Variants in ARVCF observed in about 807,000 individuals in gnomAD.
The protein encoded by ARVCF is ARVCF delta catenin family member.
Under a neutral mutation model 90.9 loss-of-function variants are expected in ARVCF, and 66 were observed. The observed-to-expected ratio is 0.73, with a 90% confidence interval of 0.60 to 0.89. The LOEUF is 0.89. Among genes scored for constraint, ARVCF ranks in the 40% least tolerant of loss-of-function variants. The pLI, the probability that ARVCF is intolerant of heterozygous loss-of-function variation, is 0.00. For missense variants in ARVCF, 1,469 were observed against 1,382.3 expected, an observed-to-expected ratio of 1.06 and a Z score of -1.00; for synonymous variants, 653 against 603.4, an observed-to-expected ratio of 1.08 and a Z score of -1.21.
intron 1 of ARVCF, among the ~76,000 whole-genome samples, chr22:20,013,134 G>C (rs1287338472): frequency 1.3e-5 from 2 of 152,274 alleles, no homozygotes; most frequent in African/African-American, 2.4e-5. Context: ...CCAGTGGACA[G>C]GGAAGGTCCA....
At chr22:19,986,105 A>G (rs933467440) in intron 3 of ARVCF, among the ~76,000 whole-genome samples, 7 of 152,216 alleles carry the variant, frequency 4.6e-5, no homozygotes, top group African/African-American at 1.4e-4. Context: ...CAAAAAGCCA[A>G]GCTGGGGGAG....
chr22:19,981,585 T>C lies in ARVCF; in HGVS notation c.522A>G (p.Pro174=). The change falls in exon 5 of 20, where the codon CCA becomes CCG. Residue 174 remains proline (P), a synonymous_variant. Transcript: ENST00000263207. ...DRHFLLRGGG[P]VATLSRAYLS... is the part of the protein sequence containing the mutation. ...GGTAGGCTCGAGAGAGTGTGGCCAC[T>C]GGGCCACCACCACGCAGCAGGAAAT... 1 of 1,606,364 alleles carries C rather than the reference T, an allele frequency of 6.2e-7. No homozygotes were observed.
In ARVCF at chr22:19,981,568, C is replaced by G; in HGVS notation, c.539G>C (p.Arg180Pro). ...RGGGPVATLS[R>P]AYLSSGGGFP... is the part of the protein sequence containing the mutation. ...GCCACCCCCACTGCTGAGGTAGGCT[C>G]GAGAGAGTGTGGCCACTGGGCCACC... The change falls in exon 5 of 20, where the codon CGA becomes CCA. Residue 180 changes from arginine (R) to proline (P), a missense_variant. Arg to Pro is a moderately radical substitution (Grantham distance 103). Transcript: ENST00000263207. The G allele has an allele frequency of 1.2e-6, 2 of 1,603,758 alleles. No individual in the cohort carries two copies. Among genetic ancestry groups the G allele is most frequent in the Middle Eastern group, 1.7e-4 (1 of 6,040 alleles).
chr22:20,015,279 G>C (rs957331266), intron 1 of ARVCF, among the ~76,000 whole-genome samples: 4 of 152,196 alleles, frequency 2.6e-5, no homozygotes, highest in African/African-American at 9.6e-5. Context: ...AATGGGGGTA[G>C]GGTGGGGACA....
intron 1 of ARVCF, among the ~76,000 whole-genome samples, chr22:20,010,920 C>T (rs1054216765): frequency 1.3e-4 from 20 of 152,230 alleles, no homozygotes; most frequent in African/African-American, 3.6e-4. Context: ...CCCTAGAGTC[C>T]GCTCCCGCCT....
Position 20,002,619 on chromosome 22 carries a change from G to A in ARVCF, c.-19+7836C>T, listed in dbSNP as rs559830386. 7.2e-5 allele frequency among the ~76,000 whole-genome samples: 11 copies of A among 152,294 alleles called. No individual in the cohort carries two copies. The East Asian group carries it at 1.9e-3, about 27-fold the overall frequency. On this transcript the variant is annotated intron_variant, in intron 2 of 19. Transcript: ENST00000263207. ...CTAGAGCCCTGGACTACCCAGAGAA[G>A]TAGTTTTAAGAACCAAAAGAAGAGA... is the stretch of plus-strand genomic sequence containing the variant.
chr22:19,980,499 A>C, intron 5 of ARVCF: 2 of 441,450 alleles, frequency 4.5e-6, no homozygotes, highest in Non-Finnish European at 7.7e-6. Context: ...CAGCAAACTC[A>C]CTCACTGCTG....
intron 5 of ARVCF, chr22:19,980,768 G>A: frequency 5.2e-6 from 1 of 190,524 alleles, no homozygotes; most frequent in Non-Finnish European, 1.1e-5. Flanking sequence ...CCTGTGGGTT[G>A]CTGTCATCAA....
Position 19,971,309 on chromosome 22 carries a change from G to A in ARVCF, c.2808C>T (p.Pro936=). Residue 936 remains proline (P), a synonymous_variant, in exon 19 of 20, where the codon CCC becomes CCT. Transcript: ENST00000263207. ...LKLDPSRKAP[P]PGPSRPAVRL... is the part of the protein sequence containing the mutation. ...TGACCGCGGGCCTGCTGGGCCCGGGGGGAGGGGCCTTCCTGCTGGGGTCGA... is the reference window on the plus strand; with the variant it reads ...TGACCGCGGGCCTGCTGGGCCCGGGAGGAGGGGCCTTCCTGCTGGGGTCGA... 1 of 1,555,790 alleles carries A rather than the reference G, an allele frequency of 6.4e-7. No homozygotes were observed. Among genetic ancestry groups the A allele is most frequent in the South Asian group, 1.2e-5 (1 of 84,528 alleles).
chr22:19,967,486 A>C (rs534487632), downstream of ARVCF: 9 of 435,622 alleles, frequency 2.1e-5, no homozygotes, highest in African/African-American at 1.9e-4. Context: ...GACCTCACTG[A>C]CCTTGCAGCC....
downstream of ARVCF, chr22:19,968,624 G>A (rs1243347237): frequency 1.2e-6 from 2 of 1,614,080 alleles, no homozygotes; most frequent in Non-Finnish European, 8.5e-7. Flanking sequence ...CACGTGCGCG[G>A]GAGCAGCTGC....
chr22:19,979,826 G>A lies in ARVCF; in HGVS notation c.1313C>T (p.Ala438Val). Residue 438 changes from alanine (A) to valine (V), a missense_variant, in exon 6 of 20, where the codon GCC (alanine) becomes GTC (valine). Ala to Val is a moderately conservative substitution (Grantham distance 64). Transcript: ENST00000263207. ...AGGCACACCACCGCAGTCCCGGATGGCGGCCTTGTTGTCAGTGTCGCGGCC... is the reference window on the plus strand; with the variant it reads ...AGGCACACCACCGCAGTCCCGGATGACGGCCTTGTTGTCAGTGTCGCGGCC... ...SYGRDTDNKA[A>V]IRDCGGVPAL... is the part of the protein sequence containing the mutation. 1 of 1,609,770 alleles carries A rather than the reference G, an allele frequency of 6.2e-7. No individual in the cohort carries two copies. The highest frequency in any genetic ancestry group is 8.5e-7 in the Non-Finnish European group (1 of 1,178,934).
At chr22:19,974,681 G>A (rs1306952755) in intron 11 of ARVCF, among the ~76,000 whole-genome samples, 1 of 152,010 alleles carries the variant, frequency 6.6e-6, no homozygotes, top group African/African-American at 2.4e-5. Context: ...AAGAGGACCT[G>A]CTTTCACCAG....
chr22:20,000,703 T>C (rs144439497), intron 2 of ARVCF, among the ~76,000 whole-genome samples: 44 of 152,330 alleles, frequency 2.9e-4, no homozygotes, highest in African/African-American at 9.6e-4. Context: ...TGTGACAGTA[T>C]TAAGAGGTAG....
chr22:19,967,334 A>G (rs779620718), downstream of ARVCF: 9 of 648,158 alleles, frequency 1.4e-5, no homozygotes, highest in East Asian at 6.0e-4. Flanking sequence ...GGCCTAGGCC[A>G]TTGTCCTCCT....
Position 19,978,945 on chromosome 22 carries a change from C to T in ARVCF, c.1532G>A (p.Arg511Gln), listed in dbSNP as rs777302602. Residue 511 changes from arginine (R) to glutamine (Q), a missense_variant, in exon 7 of 20, where the codon CGG becomes CAG. Physicochemically the swap from Arg to Gln is conservative, Grantham distance 43. Coordinates refer to ENST00000263207, the MANE Select transcript of ARVCF (RefSeq NM_001670.3). ...GAAGACAGTTGTCCACTCGGCGTCCCGTGGCTTGGAGTCCTCGTTGGGCTC... is the reference window on the plus strand; with the variant it reads ...GAAGACAGTTGTCCACTCGGCGTCCTGTGGCTTGGAGTCCTCGTTGGGCTC... ...EREPNEDSKPRDAEWTTVFKN... is the reference protein window; with the variant it reads ...EREPNEDSKPQDAEWTTVFKN... The T allele has an allele frequency of 5.6e-6, 9 of 1,613,102 alleles. No homozygotes were observed. Among genetic ancestry groups the T allele is most frequent in the African/African-American group, 2.7e-5 (2 of 74,924 alleles).
chr22:19,972,590 G>T, intron 16 of ARVCF, 147 bp downstream of exon 16: 2 of 1,141,548 alleles, frequency 1.8e-6, no homozygotes, highest in Non-Finnish European at 2.5e-6. Context: ...TGGGAAGGGA[G>T]TAGCCAAGAG....
intron 10 of ARVCF, 38 bp downstream of exon 10, chr22:19,976,668 C>G: frequency 6.4e-7 from 1 of 1,552,398 alleles, no homozygotes. Flanking sequence ...ACCCACTGCA[C>G]ACGCCAGGCC....
chr22:19,971,743 AG>A, intron 18 of ARVCF, 142 bp downstream of exon 18: 2 of 825,824 alleles, frequency 2.4e-6, no homozygotes, highest in South Asian at 3.1e-5. Flanking sequence ...ACTGGCGTGA[AG>A]GGGCTGCTTC....
Sources: gnomAD v4.1 joint callset for allele counts (sites outside exome capture counted in the v4.1 genomes callset) on GRCh38, gnomAD v4.1.1 for gene constraint, MANE v1.5 for transcripts, NCBI Gene and HGNC (gene_info 2026-07-23, HGNC 2026-07-21) for gene names.